TRIM5: variants seen among roughly 807,000 people sequenced by gnomAD.
TRIM5 encodes the protein tripartite motif containing 5, also known as tripartite motif-containing protein 5.
In TRIM5, 31 loss-of-function variants were observed where a neutral mutation model predicts 35.6. The ratio of observed to expected loss-of-function variants is 0.87; its 90% CI spans 0.65 to 1.18. TRIM5 has a LOEUF of 1.18. Among genes scored for constraint, TRIM5 ranks in the 50% most tolerant of loss-of-function variants. The pLI is 0.00. For synonymous variants in TRIM5, 243 were observed against 215.6 expected, an observed-to-expected ratio of 1.13 and a Z score of -1.11; for missense variants, 609 against 591.6, an observed-to-expected ratio of 1.03 and a Z score of -0.31.
the TRIM5 span, among the ~76,000 whole-genome samples, chr11:5,604,125 G>A: frequency 1.3e-5 from 2 of 152,120 alleles, no homozygotes; most frequent in East Asian, 3.9e-4. Context: ...CTCCCAAGTA[G>A]CTAGGACTGT....
At chr11:5,588,712 A>G in the TRIM5 span, among the ~76,000 whole-genome samples, 1 of 151,062 alleles carries the variant, frequency 6.6e-6, no homozygotes, top group Non-Finnish European at 1.5e-5. Flanking sequence ...ATCAATTGTG[A>G]TTAGAATTAA....
the TRIM5 span, among the ~76,000 whole-genome samples, chr11:5,620,860 G>A: frequency 6.6e-6 from 1 of 152,198 alleles, no homozygotes; most frequent in Non-Finnish European, 1.5e-5. Context: ...AAGCTGCTGT[G>A]CAGTGTTCAC....
At chr11:5,611,034 C>CA in the TRIM5 span, 1 of 1,614,170 alleles carries the variant, frequency 6.2e-7, no homozygotes, top group Non-Finnish European at 8.5e-7. Flanking sequence ...CCATTTTGCT[C>CA]AAAATCACAG....
In TRIM5 at chr11:5,681,662, A is replaced by G; in HGVS notation, c.-61-1424T>C. On this transcript the variant is annotated intron_variant, in intron 1 of 7. Transcript: ENST00000380034. ...TTCAGACCCCCATAAAACTTGTTTA[A>G]TCCTAAACAGGTCCTAATCGATTCC... Among the ~76,000 whole-genome samples the G allele has an allele frequency of 1.3e-5, 2 of 152,148 alleles. 1 individual carries two copies. Among genetic ancestry groups the G allele is most frequent in the Non-Finnish European group, 2.9e-5 (2 of 68,024 alleles).
chr11:5,646,892 C>G, the TRIM5 span, among the ~76,000 whole-genome samples: 1 of 152,226 alleles, frequency 6.6e-6, no homozygotes. Context: ...ATCTCTCCCT[C>G]TCTACCTTCT....
At chr11:5,677,066 C>A (rs1428839035) in intron 4 of TRIM5, among the ~76,000 whole-genome samples, 1 of 152,036 alleles carries the variant, frequency 6.6e-6, no homozygotes, top group Non-Finnish European at 1.5e-5. Flanking sequence ...GTCTAAAACA[C>A]CAAAAGCAAT....
the TRIM5 span, chr11:5,619,673 C>T: frequency 1.4e-5 from 2 of 145,344 alleles, no homozygotes; most frequent in South Asian, 2.2e-4. Flanking sequence ...ATGACTCAGG[C>T]AACTCCTGTT....
chr11:5,621,850 T>C, the TRIM5 span, among the ~76,000 whole-genome samples: 10 of 152,254 alleles, frequency 6.6e-5, no homozygotes, highest in South Asian at 1.2e-3. Flanking sequence ...GCTTGAGTTG[T>C]CCTGCCTTTT....
the TRIM5 span, among the ~76,000 whole-genome samples, chr11:5,602,262 A>G: frequency 6.9e-6 from 1 of 145,546 alleles, no homozygotes; most frequent in Admixed American, 6.9e-5. Context: ...AACACAGTGA[A>G]ACCTCATCTC....
the TRIM5 span, chr11:5,642,627 A>T: frequency 7.2e-7 from 1 of 1,395,246 alleles, no homozygotes; most frequent in African/African-American, 1.5e-5. Context: ...GAGAATAAGG[A>T]ATATTCTGTG....
chr11:5,637,917 T>C, the TRIM5 span, among the ~76,000 whole-genome samples: 9 of 152,348 alleles, frequency 5.9e-5, no homozygotes, highest in South Asian at 1.9e-3. Flanking sequence ...ACTCATTATT[T>C]TTGTTTCGTC....
chr11:5,611,951 A>C, the TRIM5 span: 1 of 152,138 alleles, frequency 6.6e-6, no homozygotes, highest in Non-Finnish European at 1.5e-5. Flanking sequence ...AATTTACTAC[A>C]AGTTTTTGTA....
At chr11:5,634,492 TACACACACACACACACACAC>T in the TRIM5 span, 11 of 228,022 alleles carry the variant, frequency 4.8e-5, no homozygotes, top group Non-Finnish European at 6.1e-5. Flanking sequence ...ATAATATAAA[TACACACACACACACACACAC>T]ACACACACAC....
At chr11:5,682,862 T>G (rs1191905393) in intron 1 of TRIM5, among the ~76,000 whole-genome samples, 1 of 152,246 alleles carries the variant, frequency 6.6e-6, no homozygotes. Flanking sequence ...GAGGAGCTCT[T>G]CAGCCCACCG....
chr11:5,596,884 T>C, the TRIM5 span: 7 of 1,613,972 alleles, frequency 4.3e-6, no homozygotes, highest in African/African-American at 9.3e-5. Context: ...ACTTCTTGGC[T>C]TCTCATTCCC....
chr11:5,633,873 A>C, the TRIM5 span: 1 of 1,614,140 alleles, frequency 6.2e-7, no homozygotes, highest in Non-Finnish European at 8.5e-7. Flanking sequence ...GGAAGCTGAC[A>C]TCAGAGAAGA....
At chr11:5,638,999 T>C in the TRIM5 span, among the ~76,000 whole-genome samples, 2 of 152,162 alleles carry the variant, frequency 1.3e-5, no homozygotes, top group African/African-American at 2.4e-5. Flanking sequence ...TCTATATCTA[T>C]CTTTAACTAG....
At chr11:5,601,495 C>T in the TRIM5 span, among the ~76,000 whole-genome samples, 1 of 152,052 alleles carries the variant, frequency 6.6e-6, no homozygotes, top group Non-Finnish European at 1.5e-5. Context: ...CAGTGGCTCA[C>T]GCTTGTAATC....
chr11:5,624,123 T>G, the TRIM5 span, among the ~76,000 whole-genome samples: 7 of 152,192 alleles, frequency 4.6e-5, no homozygotes, highest in Admixed American at 1.3e-4. Context: ...GTTACCTCAG[T>G]TTCAAAGCAG....
Sources: allele counts gnomAD v4.1 joint callset (sites outside exome capture counted in the v4.1 genomes callset), GRCh38; gene constraint gnomAD v4.1.1; transcripts MANE v1.5; gene names NCBI Gene and HGNC (gene_info 2026-07-23, HGNC 2026-07-21).